Variants in RELN observed in about 807,000 individuals in gnomAD.
The protein encoded by RELN is reelin.
A neutral mutation model predicts 427.6 loss-of-function variants in RELN; 108 were observed. The ratio of observed to expected loss-of-function variants is 0.25; its 90% CI spans 0.22 to 0.30. RELN has a LOEUF of 0.30. Ranked by LOEUF, RELN falls within the 10% of genes least tolerant of loss-of-function variation. RELN has a pLI of 1.00. For missense variants in RELN, 3,715 were observed against 4,302.8 expected, an observed-to-expected ratio of 0.86 and a Z score of 3.82; for synonymous variants, 1,524 against 1,513.4, an observed-to-expected ratio of 1.01 and a Z score of -0.16.
At chr7:103,635,763 C>T (rs966530357) in intron 18 of RELN, among the ~76,000 whole-genome samples, 177 bp from the exon 19 acceptor site, 1 of 151,794 alleles carries the variant, frequency 6.6e-6, no homozygotes, top group Non-Finnish European at 1.5e-5. Context: ...TGTTGATATA[C>T]ATATTTTATG....
chr7:103,914,542 G>T (rs762240274), intron 2 of RELN, among the ~76,000 whole-genome samples: 34 of 152,032 alleles, frequency 2.2e-4, no homozygotes, highest in Non-Finnish European at 2.8e-4. Flanking sequence ...ATTATAATCT[G>T]GAAAAGCTAA....
chr7:103,860,430 A>T (rs913946462), intron 2 of RELN, among the ~76,000 whole-genome samples: 1 of 152,204 alleles, frequency 6.6e-6, no homozygotes. Flanking sequence ...AGATGCAGAA[A>T]AATGTGTAAT....
chr7:103,868,107 G>A (rs1794243480), intron 2 of RELN, among the ~76,000 whole-genome samples: 1 of 152,016 alleles, frequency 6.6e-6, no homozygotes, highest in East Asian at 1.9e-4. Flanking sequence ...ACTCCATATG[G>A]ACACAAATAC....
rs1457661460 is a variant in RELN, at chr7:103,603,493, A to G, written c.3147-3T>C. On this transcript the variant is annotated splice_region_variant and splice_polypyrimidine_tract_variant and intron_variant, in intron 23 of 64. Coordinates refer to ENST00000428762, the MANE Select transcript of RELN (RefSeq NM_005045.4). This position sits in a 1 kb window ranked among gnomAD's most constrained non-coding sequence, Gnocchi z 4.3. ...TGCCTTGGTACCCCTGGTCACACCT[A>G]TGAGAGAGCAGGGCTGAGTAGGCAG... 1 of 1,613,452 alleles carries G rather than the reference A, an allele frequency of 6.2e-7. No homozygotes were observed. Among genetic ancestry groups the G allele is most frequent in the Non-Finnish European group, 8.5e-7 (1 of 1,179,496 alleles).
In RELN at chr7:103,489,836, G is replaced by A; in HGVS notation, c.9669C>T (p.Asp3223=). The A allele has an allele frequency of 6.2e-7, 1 of 1,614,188 alleles. No homozygotes were observed. Among genetic ancestry groups the A allele is most frequent in the Non-Finnish European group, 8.5e-7 (1 of 1,180,046 alleles). The change falls in exon 60 of 65, where the codon GAC becomes GAT. Residue 3223 remains aspartate (D), a synonymous_variant. Transcript: ENST00000428762. The part of the protein sequence containing the change: ...EETEKQSWAI[D]HVYIGEACPK... ...GGCAAGCCTCTCCAATGTACACGTGGTCAATTGCCCAGCTTTGCTTCTCAG... is the reference window on the plus strand; with the variant it reads ...GGCAAGCCTCTCCAATGTACACGTGATCAATTGCCCAGCTTTGCTTCTCAG...
At chr7:103,962,340 C>A (rs1800021325) in intron 1 of RELN, among the ~76,000 whole-genome samples, 1 of 152,116 alleles carries the variant, frequency 6.6e-6, no homozygotes, top group African/African-American at 2.4e-5. Context: ...TTCAGAACTG[C>A]GGCACTCTTT....
At position 103,806,553 on chromosome 7, in the gene RELN, G is replaced by A. The variant is rs145841512; in HGVS notation, c.473+26984C>T. ...TTGGCCAGGCTGGTCTTGAACTCCTGGCCTCAAGTGATCCACCCACCTCAG... is the reference window on the plus strand; with the variant it reads ...TTGGCCAGGCTGGTCTTGAACTCCTAGCCTCAAGTGATCCACCCACCTCAG... On this transcript the variant is annotated intron_variant, in intron 3 of 64. Transcript: ENST00000428762. Among the ~76,000 whole-genome samples the A allele has an allele frequency of 1.4e-3, 206 of 152,100 alleles. 1 individual carries two copies. The highest frequency in any genetic ancestry group is 4.8e-3 in the African/African-American group (199 of 41,482).
Position 103,640,711 on chromosome 7 carries a change from T to C in RELN, c.2003-102A>G. 12 of 1,175,240 alleles carry C rather than the reference T, an allele frequency of 1.0e-5. No individual in the cohort carries two copies. The highest frequency in any genetic ancestry group is 1.4e-5 in the Non-Finnish European group (11 of 806,564). The allele number at this position is 1,175,240 out of a possible 1,614,324, so 72.8% of individuals were successfully genotyped here. On this transcript the variant is annotated intron_variant, in intron 16 of 64. Coordinates refer to ENST00000428762, the MANE Select transcript of RELN (RefSeq NM_005045.4). This position sits in a 1 kb window ranked among gnomAD's most constrained non-coding sequence, Gnocchi z 4.1. ...GAAATATGGCCCCTTGTGTGTATGT[T>C]GTGTGCAGGAACCCAGGGTGACATA...
intron 14 of RELN, 107 bp from the exon 15 acceptor site, chr7:103,651,896 T>C: frequency 8.2e-7 from 1 of 1,222,268 alleles, no homozygotes; most frequent in South Asian, 1.3e-5. Flanking sequence ...GTAAAAACAG[T>C]GTAAAATTTT....
intron 38 of RELN, among the ~76,000 whole-genome samples, chr7:103,556,773 C>G (rs1051469360): frequency 6.6e-6 from 1 of 152,194 alleles, no homozygotes; most frequent in Non-Finnish European, 1.5e-5. Context: ...TCCGATTAAA[C>G]CTCTTTTTCT....
intron 42 of RELN, among the ~76,000 whole-genome samples, chr7:103,544,173 C>T (rs997521865): frequency 1.4e-5 from 2 of 143,102 alleles, no homozygotes; most frequent in African/African-American, 5.2e-5. Flanking sequence ...TATTGTAAAA[C>T]CATAAATAGA....
intron 5 of RELN, among the ~76,000 whole-genome samples, chr7:103,749,714 C>T (rs931048502): frequency 2.0e-5 from 3 of 152,126 alleles, no homozygotes; most frequent in Non-Finnish European, 2.9e-5. Flanking sequence ...GTTGGGAAAA[C>T]CAAAGACCCC....
At position 103,491,978 on chromosome 7, in the gene RELN, T is replaced by G. The variant is rs1377891826; in HGVS notation, c.9418A>C (p.Met3140Leu). The change falls in exon 58 of 65, where the codon ATG (methionine) becomes CTG (leucine). Residue 3140 changes from methionine (M) to leucine (L), a missense_variant. Transcript: ENST00000428762. Reference protein sequence around the residue: ...ATSCGDLHSVMLEYTKDARSD... With the variant: ...ATSCGDLHSVLLEYTKDARSD... ...CTTGCATCCTTAGTGTATTCCAGCA[T>G]TACGGAATGAAGGTCACCACAAGAA... 3.1e-6 allele frequency: 5 copies of G among 1,612,936 alleles called. No homozygotes were observed. Among genetic ancestry groups the G allele is most frequent in the Non-Finnish European group, 2.5e-6 (3 of 1,179,558 alleles).
intron 3 of RELN, among the ~76,000 whole-genome samples, chr7:103,777,532 A>ATGGATT (rs1253491965): frequency 2.6e-5 from 4 of 152,194 alleles, no homozygotes; most frequent in Non-Finnish European, 5.9e-5. Context: ...TCTGCTGAAG[A>ATGGATT]TGGATTATGT....
chr7:103,904,116 T>G (rs1795142312), intron 2 of RELN, among the ~76,000 whole-genome samples: 1 of 152,174 alleles, frequency 6.6e-6, no homozygotes, highest in African/African-American at 2.4e-5. Flanking sequence ...TTTGGTTTTC[T>G]ATTCCTGTGT....
At chr7:103,726,115 T>G (rs1289030295) in intron 7 of RELN, among the ~76,000 whole-genome samples, 3 of 152,222 alleles carry the variant, frequency 2.0e-5, no homozygotes, top group Non-Finnish European at 4.4e-5. Context: ...CAAAGTACCA[T>G]GCAAATGTTT....
chr7:103,716,355 A>T (rs1789938009), intron 8 of RELN, among the ~76,000 whole-genome samples: 1 of 152,130 alleles, frequency 6.6e-6, no homozygotes, highest in South Asian at 2.1e-4. Flanking sequence ...TCTATTTGAT[A>T]ATGAACTTCT....
Position 103,574,156 on chromosome 7 carries a change from G to C in RELN, c.4447C>G (p.Leu1483Val). Residue 1483 changes from leucine (L) to valine (V), a missense_variant, in exon 30 of 65, where the codon CTC becomes GTC. Coordinates refer to ENST00000428762, the MANE Select transcript of RELN (RefSeq NM_005045.4). Reference protein sequence around the residue: ...GCGTLNDGKSLYFNGPGKREA... With the variant: ...GCGTLNDGKSVYFNGPGKREA... ...CTTTTCCCAGGGCCATTGAAGTAGA[G>C]AGATTTGCCATCGTTAAGTGTTCCA... is the stretch of plus-strand genomic sequence containing the variant. 6.2e-7 allele frequency: 1 copy of C among 1,614,192 alleles called. No individual in the cohort carries two copies. The highest frequency in any genetic ancestry group is 8.5e-7 in the Non-Finnish European group (1 of 1,180,020).
intron 4 of RELN, among the ~76,000 whole-genome samples, chr7:103,754,436 T>G (rs1047735696): frequency 6.6e-6 from 1 of 151,644 alleles, no homozygotes; most frequent in African/African-American, 2.4e-5. Context: ...CAGGAGGTGG[T>G]GGAGTTACAA....
Sources: allele counts gnomAD v4.1 joint callset (sites outside exome capture counted in the v4.1 genomes callset), GRCh38; gene constraint gnomAD v4.1.1; non-coding constraint Gnocchi (gnomAD v3.1); transcripts MANE v1.5; gene names NCBI Gene and HGNC (gene_info 2026-07-23, HGNC 2026-07-21).